GLIS3: variants seen among roughly 807,000 people sequenced by gnomAD.
The protein encoded by GLIS3 is zinc finger protein GLIS3.
In GLIS3, 53 loss-of-function variants were observed where a neutral mutation model predicts 78.6. The ratio of observed to expected loss-of-function variants is 0.67; its 90% CI spans 0.54 to 0.85. GLIS3 has a LOEUF of 0.85. GLIS3 is among the 40% of genes least tolerant of loss of function. GLIS3 has a pLI of 0.00. For missense variants in GLIS3, 1,703 were observed against 1,231.1 expected, an observed-to-expected ratio of 1.38 and a Z score of -5.74; for synonymous variants, 684 against 509.9, an observed-to-expected ratio of 1.34 and a Z score of -4.60.
intron 4 of GLIS3, among the ~76,000 whole-genome samples, chr9:4,033,865 A>T (rs796493435): frequency 5.8e-3 from 38 of 6,578 alleles, no homozygotes; most frequent in African/African-American, 0.015. Context: ...GGCGAAGGAT[A>T]AAAAAAAAAA....
intron 4 of GLIS3, among the ~76,000 whole-genome samples, chr9:4,042,117 G>T (rs558966808): frequency 6.6e-6 from 1 of 152,232 alleles, no homozygotes; most frequent in East Asian, 1.9e-4. Flanking sequence ...CATTTCAAAA[G>T]CTTGGGTTTT....
At chr9:4,386,266 G>T in the GLIS3 span, 1 of 152,082 alleles carries the variant, frequency 6.6e-6, no homozygotes, top group African/African-American at 2.4e-5. Context: ...AATAAAAATT[G>T]TGTCTATACA....
chr9:3,934,410 A>ATT lies in GLIS3; in HGVS notation c.1873-1942_1873-1941dup, dbSNP rs71308889. ...GGTTGGTAATGTCATTTTCTATTTG[A>ATT]TTTTTTTTTTTTTTTTTGAGATGGA... On this transcript the variant is annotated intron_variant, in intron 5 of 10. Coordinates refer to ENST00000381971, the MANE Select transcript of GLIS3 (RefSeq NM_001042413.2). Among the ~76,000 whole-genome samples the ATT allele has an allele frequency of 1.4e-3, 195 of 138,464 alleles. 7 individuals are homozygous for ATT. Among genetic ancestry groups the ATT allele is most frequent in the African/African-American group, 3.1e-3 (117 of 37,798 alleles). 90.8% of individuals were successfully genotyped at this position (138,464 alleles called of 152,430 possible).
chr9:4,230,863 A>G (rs1822193807), intron 2 of GLIS3, among the ~76,000 whole-genome samples: 1 of 152,244 alleles, frequency 6.6e-6, no homozygotes. Context: ...TTATAAATTC[A>G]GCCCACATGA....
chr9:4,242,833 T>C (rs1823444230), intron 2 of GLIS3, among the ~76,000 whole-genome samples: 1 of 152,292 alleles, frequency 6.6e-6, no homozygotes, highest in Admixed American at 6.5e-5. Context: ...TAAAAATGTA[T>C]TACATAAAAT....
At chr9:4,278,051 C>A (rs1827189666) in intron 2 of GLIS3, among the ~76,000 whole-genome samples, 1 of 152,158 alleles carries the variant, frequency 6.6e-6, no homozygotes, top group Non-Finnish European at 1.5e-5. Context: ...AAACTAATTT[C>A]TATTATCTTA....
the GLIS3 span, among the ~76,000 whole-genome samples, chr9:4,435,682 G>A: frequency 6.6e-4 from 101 of 152,312 alleles, 2 homozygotes; most frequent in Admixed American, 6.3e-3. Flanking sequence ...AGGCGCGGTG[G>A]CTCACGCCTG....
At chr9:3,920,096 T>C (rs952892155) in intron 6 of GLIS3, among the ~76,000 whole-genome samples, 30 of 148,930 alleles carry the variant, frequency 2.0e-4, no homozygotes, top group East Asian at 8.2e-4. Flanking sequence ...CTCCGCCTCC[T>C]GGGTTCACAC....
chr9:4,229,065 G>C (rs894337786), intron 2 of GLIS3, among the ~76,000 whole-genome samples: 4 of 152,152 alleles, frequency 2.6e-5, no homozygotes, highest in Admixed American at 6.5e-5. Flanking sequence ...TCCAAAATTA[G>C]TTGTTAGGTG....
intron 6 of GLIS3, among the ~76,000 whole-genome samples, chr9:3,911,553 A>C (rs1824155165): frequency 6.6e-6 from 1 of 152,234 alleles, no homozygotes; most frequent in African/African-American, 2.4e-5. Context: ...CCTATGAATT[A>C]CACTACAACA....
intron 9 of GLIS3, among the ~76,000 whole-genome samples, chr9:3,831,688 G>A (rs572161764): frequency 2.0e-5 from 3 of 152,352 alleles, no homozygotes; most frequent in Admixed American, 2.0e-4. Context: ...TGCAGCGCTA[G>A]TGATCAAAAC....
At chr9:3,871,694 C>A (rs1820978496) in intron 8 of GLIS3, among the ~76,000 whole-genome samples, 1 of 152,226 alleles carries the variant, frequency 6.6e-6, no homozygotes, top group East Asian at 1.9e-4. Context: ...GCACACAGCA[C>A]AGGGACCCTG....
chr9:4,201,534 C>G (rs1819395577), intron 2 of GLIS3, among the ~76,000 whole-genome samples: 1 of 152,110 alleles, frequency 6.6e-6, no homozygotes, highest in South Asian at 2.1e-4. Flanking sequence ...TTTTTATACA[C>G]TAATAACATT....
At chr9:4,289,569 C>A (rs141760215) in intron 1 of GLIS3, among the ~76,000 whole-genome samples, 170 of 152,224 alleles carry the variant, frequency 1.1e-3, no homozygotes, top group African/African-American at 4.0e-3. Context: ...ATCGGAAGAG[C>A]ACCTTTCTAG....
chr9:4,179,355 C>T (rs1331177236), intron 2 of GLIS3, among the ~76,000 whole-genome samples: 1 of 152,164 alleles, frequency 6.6e-6, no homozygotes, highest in African/African-American at 2.4e-5. Context: ...AAACAACTTG[C>T]AGTCAAATTA....
intron 5 of GLIS3, among the ~76,000 whole-genome samples, chr9:3,935,694 C>T (rs915507678): frequency 2.6e-5 from 4 of 152,138 alleles, no homozygotes; most frequent in African/African-American, 9.7e-5. Context: ...TTAGGCACAA[C>T]AAAATAGGGC....
intron 2 of GLIS3, among the ~76,000 whole-genome samples, chr9:4,197,021 G>C (rs1298933089): frequency 6.6e-6 from 1 of 152,190 alleles, no homozygotes; most frequent in African/African-American, 2.4e-5. Context: ...CACGGACATA[G>C]ATCGTGGTGC....
chr9:3,894,676 T>C (rs1458566368), intron 7 of GLIS3, among the ~76,000 whole-genome samples: 2 of 151,314 alleles, frequency 1.3e-5, no homozygotes, highest in African/African-American at 2.4e-5. Flanking sequence ...AAAAAAAGTA[T>C]TTTTCCTTCT....
chr9:4,355,295 G>C, the GLIS3 span, among the ~76,000 whole-genome samples: 1 of 152,078 alleles, frequency 6.6e-6, no homozygotes, highest in Non-Finnish European at 1.5e-5. Context: ...TAACCTCCTT[G>C]AGCCTCAGGT....
Sources: allele counts gnomAD v4.1 joint callset (sites outside exome capture counted in the v4.1 genomes callset), GRCh38; gene constraint gnomAD v4.1.1; transcripts MANE v1.5; gene names NCBI Gene and HGNC (gene_info 2026-07-23, HGNC 2026-07-21).